GCSAML: variants seen among roughly 807,000 people sequenced by gnomAD.
GCSAML encodes the protein germinal center associated signaling and motility like, also known as germinal center-associated signaling and motility-like protein.
Under a neutral mutation model 13.0 loss-of-function variants are expected in GCSAML, and 9 were observed. That is an observed-to-expected ratio of 0.69 (90% CI 0.42 to 1.21). The LOEUF is 1.21. Ranked by LOEUF, GCSAML falls within the 50% of genes most tolerant of loss-of-function variation. GCSAML has a pLI of 0.00. For missense variants in GCSAML, 143 were observed against 153.4 expected, an observed-to-expected ratio of 0.93 and a Z score of 0.36; for synonymous variants, 37 against 52.9, an observed-to-expected ratio of 0.70 and a Z score of 1.31.
intron 2 of GCSAML, chr1:247,529,387 T>C (rs1666814631): frequency 6.6e-6 from 1 of 152,210 alleles, no homozygotes; most frequent in Non-Finnish European, 1.5e-5. Flanking sequence ...CTTGACTGAA[T>C]GATGGAATGG....
intron 2 of GCSAML, 75 bp from the exon 3 acceptor site, chr1:247,563,515 A>C (rs1668215612): frequency 1.2e-6 from 1 of 813,486 alleles, no homozygotes; most frequent in African/African-American, 1.9e-5. Context: ...AAGGGCAACC[A>C]AATGCTTTTT....
At chr1:247,522,204 T>C (rs1666462814) in intron 1 of GCSAML, among the ~76,000 whole-genome samples, 1 of 146,718 alleles carries the variant, frequency 6.8e-6, no homozygotes, top group Admixed American at 6.7e-5. Flanking sequence ...GTCTGGGAGG[T>C]GGGGGGCAGC....
chr1:247,535,350 G>T (rs1667177400), intron 2 of GCSAML, among the ~76,000 whole-genome samples: 1 of 152,142 alleles, frequency 6.6e-6, no homozygotes, highest in African/African-American at 2.4e-5. Flanking sequence ...GGGAGGTAGA[G>T]TTGAGACCTG....
chr1:247,521,305 T>TCTCCAC, intron 1 of GCSAML, among the ~76,000 whole-genome samples: 1 of 148,780 alleles, frequency 6.7e-6, no homozygotes, highest in South Asian at 2.1e-4. Flanking sequence ...AAAAACATAA[T>TCTCCAC]GTCTCCCTCT....
At chr1:247,569,927 T>A (rs556996180) in intron 4 of GCSAML, among the ~76,000 whole-genome samples, 2 of 152,336 alleles carry the variant, frequency 1.3e-5, no homozygotes, top group Non-Finnish European at 2.9e-5. Flanking sequence ...CTTCCTGGTT[T>A]AGTCTTGGAA....
intron 2 of GCSAML, among the ~76,000 whole-genome samples, chr1:247,539,902 G>T (rs1349268777): frequency 6.6e-6 from 1 of 152,106 alleles, no homozygotes; most frequent in Non-Finnish European, 1.5e-5. Context: ...AGTATCTACT[G>T]TCTGCGCCTT....
intron 1 of GCSAML, among the ~76,000 whole-genome samples, chr1:247,515,796 C>T (rs535871554): frequency 6.6e-6 from 1 of 152,318 alleles, no homozygotes; most frequent in South Asian, 2.1e-4. Flanking sequence ...ATCCAGTCAC[C>T]TCCCACTAGG....
intron 3 of GCSAML, among the ~76,000 whole-genome samples, chr1:247,565,233 C>G (rs545410756): frequency 7.9e-5 from 12 of 152,158 alleles, no homozygotes; most frequent in Non-Finnish European, 1.3e-4. Context: ...TGGCATGTGC[C>G]TGTAGTCCCA....
intron 2 of GCSAML, chr1:247,531,972 G>A: frequency 1.9e-6 from 3 of 1,614,076 alleles, no homozygotes; most frequent in Admixed American, 1.7e-5. Flanking sequence ...GGGGCATCTC[G>A]CAAAAGAAGT....
upstream of GCSAML, among the ~76,000 whole-genome samples, chr1:247,545,328 T>C (rs1054614497): frequency 9.9e-5 from 15 of 152,236 alleles, no homozygotes; most frequent in Non-Finnish European, 2.9e-5. Flanking sequence ...AGATTTAATA[T>C]TACAAATATG....
At chr1:247,574,104 C>A in intron 4 of GCSAML, 39 bp from the exon 5 acceptor site, 2 of 1,609,126 alleles carry the variant, frequency 1.2e-6, no homozygotes, top group Non-Finnish European at 8.5e-7. Flanking sequence ...TTATGAATGA[C>A]CGTGGATCCT....
chr1:247,569,754 T>C (rs769677917), intron 4 of GCSAML, among the ~76,000 whole-genome samples: 14 of 152,226 alleles, frequency 9.2e-5, no homozygotes, highest in African/African-American at 1.7e-4. Flanking sequence ...TATTCTTCTA[T>C]TGTTTGGAAT....
intron 2 of GCSAML, among the ~76,000 whole-genome samples, chr1:247,538,338 A>G (rs1667292576): frequency 1.3e-5 from 2 of 152,184 alleles, no homozygotes; most frequent in African/African-American, 4.8e-5. Context: ...TAATGGGTCC[A>G]AATATGAACC....
chr1:247,533,200 C>T (rs1025243816), intron 2 of GCSAML, among the ~76,000 whole-genome samples: 3 of 152,174 alleles, frequency 2.0e-5, no homozygotes, highest in Admixed American at 6.5e-5. Flanking sequence ...AATACTCTAA[C>T]TCATCTCTCT....
At chr1:247,533,188 C>CTAA (rs1188401038) in intron 2 of GCSAML, among the ~76,000 whole-genome samples, 1 of 152,114 alleles carries the variant, frequency 6.6e-6, no homozygotes, top group Admixed American at 6.5e-5. Context: ...GAATTTTGAT[C>CTAA]TAATACTCTA....
At chr1:247,531,592 A>C in intron 2 of GCSAML, 1 of 1,614,144 alleles carries the variant, frequency 6.2e-7, no homozygotes, top group South Asian at 1.1e-5. Context: ...GCAGTTCTCT[A>C]ATACCATGTG....
At chr1:247,509,738 T>C (rs1054990355) in intron 1 of GCSAML, among the ~76,000 whole-genome samples, 1 of 152,240 alleles carries the variant, frequency 6.6e-6, no homozygotes, top group Non-Finnish European at 1.5e-5. Context: ...TTGAAGGCCT[T>C]TTCTACATCT....
chr1:247,565,906 T>TG (rs897914111), intron 3 of GCSAML, 25 bp from the exon 4 acceptor site: 13 of 638,824 alleles, frequency 2.0e-5, no homozygotes, highest in Non-Finnish European at 2.6e-5. Flanking sequence ...CTTTCTTTCT[T>TG]TTTTTTTTTT....
chr1:247,558,041 C>A (rs56040547), intron 2 of GCSAML, among the ~76,000 whole-genome samples: 2 of 152,302 alleles, frequency 1.3e-5, no homozygotes, highest in African/African-American at 2.4e-5. Flanking sequence ...TACCAGCAAG[C>A]CTTTATTACA....
Sources: gnomAD v4.1 joint callset for allele counts (sites outside exome capture counted in the v4.1 genomes callset) on GRCh38, gnomAD v4.1.1 for gene constraint, MANE v1.5 for transcripts, NCBI Gene and HGNC (gene_info 2026-07-23, HGNC 2026-07-21) for gene names.